GRM7: variants seen among roughly 807,000 people sequenced by gnomAD.
GRM7 encodes the protein metabotropic glutamate receptor 7.
Under a neutral mutation model 84.5 loss-of-function variants are expected in GRM7, and 35 were observed. The ratio of observed to expected loss-of-function variants is 0.41; its 90% CI spans 0.32 to 0.55. The LOEUF (loss-of-function observed/expected upper bound fraction) is 0.55. Among genes scored for constraint, GRM7 ranks in the 20% least tolerant of loss-of-function variants. GRM7 has a pLI of 0.19. For missense variants in GRM7, 1,003 were observed against 1,194.6 expected (o/e 0.84, Z 2.36); for synonymous variants, 487 against 455.1 (o/e 1.07, Z -0.89).
intron 8 of GRM7, among the ~76,000 whole-genome samples, chr3:7,632,591 T>C (rs560386439): frequency 1.0e-3 from 155 of 152,370 alleles, no homozygotes; most frequent in South Asian, 2.3e-3. Flanking sequence ...CAAAATAGAA[T>C]GTATTACATG....
chr3:6,971,738 T>C (rs1693766331), intron 1 of GRM7, among the ~76,000 whole-genome samples: 1 of 152,192 alleles, frequency 6.6e-6, no homozygotes, highest in African/African-American at 2.4e-5. Flanking sequence ...ATATTCACTG[T>C]TTTATTCACT....
chr3:7,060,280 G>A (rs2124968387), intron 1 of GRM7, among the ~76,000 whole-genome samples: 1 of 151,924 alleles, frequency 6.6e-6, no homozygotes. Flanking sequence ...CTGTGGTTTG[G>A]TATAAAGCTA....
intron 2 of GRM7, among the ~76,000 whole-genome samples, chr3:7,292,387 T>G (rs2125012516): frequency 6.6e-6 from 1 of 152,328 alleles, no homozygotes; most frequent in Admixed American, 6.5e-5. Flanking sequence ...TGAGGACAGA[T>G]AACTATCTTG....
intron 1 of GRM7, among the ~76,000 whole-genome samples, chr3:7,085,294 T>C (rs1288836044): frequency 6.6e-6 from 1 of 152,226 alleles, no homozygotes; most frequent in Non-Finnish European, 1.5e-5. Context: ...TTATATATCA[T>C]GTTATCTATT....
chr3:7,685,050 C>A (rs1346290406), intron 9 of GRM7, among the ~76,000 whole-genome samples: 1 of 152,166 alleles, frequency 6.6e-6, no homozygotes, highest in Admixed American at 6.5e-5. Flanking sequence ...CTACAGTTCA[C>A]TTGGCAGATG....
rs201041894 is a variant in GRM7 at position 7,566,120 on chromosome 3, T to G, written c.1516-12302T>G. Among the ~76,000 whole-genome samples the G allele has an allele frequency of 8.0e-3, 246 of 30,854 alleles. 3 individuals carry two copies. Among genetic ancestry groups the G allele is most frequent in the Middle Eastern group, 0.024 (1 of 42 alleles). The allele number at this position is 30,854 out of a possible 152,430, so 20.2% of individuals were successfully genotyped here. A position where few individuals can be genotyped will look rare whatever the true frequency, so the allele number is the denominator to read the frequency against. On this transcript the variant is annotated intron_variant, in intron 7 of 9. Transcript: ENST00000357716. ...AATCAGCTGTTTTTTTTTTTTTTTTTTTTTTTTTTTTTGTAAAAGATCAGA... is the reference window on the plus strand; with the variant it reads ...AATCAGCTGTTTTTTTTTTTTTTTTGTTTTTTTTTTTTGTAAAAGATCAGA...
chr3:7,474,102 A>G (rs1044481193), intron 7 of GRM7, among the ~76,000 whole-genome samples: 1 of 152,178 alleles, frequency 6.6e-6, no homozygotes, highest in Non-Finnish European at 1.5e-5. Flanking sequence ...ACTTATGGCC[A>G]TGATAAAAAG....
chr3:7,644,394 A>G (rs1190722470), intron 8 of GRM7, among the ~76,000 whole-genome samples: 7 of 152,122 alleles, frequency 4.6e-5, no homozygotes, highest in African/African-American at 1.7e-4. Flanking sequence ...ATTTGCAGAA[A>G]TAGTTAGTTT....
Position 7,682,999 on chromosome 3 carries a change from G to C in GRM7, c.2698+2704G>C, listed in dbSNP as rs529787132. On this transcript the variant is annotated intron_variant, in intron 9 of 9. Transcript: ENST00000357716. ...CACATGTGGTTAACAGCAGAGGTTG[G>C]ACTAAAGCCCAGGTCTGACTCTTCA... Among the ~76,000 whole-genome samples the C allele has an allele frequency of 1.1e-4, 17 of 152,272 alleles. No individual in the cohort carries two copies. The East Asian group carries it at 2.5e-3, about 22-fold the overall frequency.
intron 4 of GRM7, among the ~76,000 whole-genome samples, chr3:7,350,726 T>C (rs1249252627): frequency 3.3e-5 from 5 of 152,140 alleles, no homozygotes; most frequent in Non-Finnish European, 5.9e-5. Flanking sequence ...CTCCTTTTAG[T>C]GAAACTTGGT....
At chr3:7,676,648 G>A (rs149655547) in intron 8 of GRM7, among the ~76,000 whole-genome samples, 17,278 of 151,922 alleles carry the variant, frequency 0.11, 1,653 homozygotes, top group African/African-American at 0.26. Flanking sequence ...TGGCCAGGCT[G>A]GTCTTGAATG....
At chr3:7,652,074 G>A (rs982810100) in intron 8 of GRM7, among the ~76,000 whole-genome samples, 1 of 152,214 alleles carries the variant, frequency 6.6e-6, no homozygotes, top group African/African-American at 2.4e-5. Flanking sequence ...CCATTTACCT[G>A]AGCAAACCAT....
At chr3:6,901,980 CT>C (rs1448717591) in intron 1 of GRM7, among the ~76,000 whole-genome samples, 1 of 151,732 alleles carries the variant, frequency 6.6e-6, no homozygotes, top group African/African-American at 2.4e-5. Context: ...GTCTTAAGAA[CT>C]TTTTTTTATT....
At chr3:7,017,327 A>G (rs1361778387) in intron 1 of GRM7, among the ~76,000 whole-genome samples, 1 of 152,210 alleles carries the variant, frequency 6.6e-6, no homozygotes, top group African/African-American at 2.4e-5. Flanking sequence ...TAATTAGACT[A>G]ATAAGCAACT....
At chr3:7,502,613 T>G (rs1699918263) in intron 7 of GRM7, among the ~76,000 whole-genome samples, 1 of 152,142 alleles carries the variant, frequency 6.6e-6, no homozygotes, top group Non-Finnish European at 1.5e-5. Context: ...CACGCACAGA[T>G]GTATGATTGC....
At chr3:7,530,765 T>C (rs1345311702) in intron 7 of GRM7, among the ~76,000 whole-genome samples, 2 of 152,090 alleles carry the variant, frequency 1.3e-5, no homozygotes, top group Non-Finnish European at 2.9e-5. Flanking sequence ...TCTGTTCTTA[T>C]CTTTTGTCCA....
At chr3:7,052,720 G>GTTATTTTTT (rs1553611237) in intron 1 of GRM7, among the ~76,000 whole-genome samples, 1 of 101,562 alleles carries the variant, frequency 9.8e-6, no homozygotes, top group African/African-American at 4.5e-5. Context: ...AGTATCGGTA[G>GTTATTTTTT]TTTTTTTTTT....
intron 4 of GRM7, among the ~76,000 whole-genome samples, chr3:7,381,109 C>A (rs1186858881): frequency 1.3e-5 from 2 of 152,092 alleles, no homozygotes; most frequent in Non-Finnish European, 2.9e-5. Flanking sequence ...TACTACCTTT[C>A]TCAAGTACAT....
At chr3:7,017,636 T>C (rs1289469095) in intron 1 of GRM7, among the ~76,000 whole-genome samples, 2 of 152,180 alleles carry the variant, frequency 1.3e-5, no homozygotes, top group Non-Finnish European at 2.9e-5. Context: ...TGTACATTAT[T>C]ATCACCTGGG....
Sources: gnomAD v4.1 joint callset for allele counts (sites outside exome capture counted in the v4.1 genomes callset) on GRCh38, gnomAD v4.1.1 for gene constraint, MANE v1.5 for transcripts, NCBI Gene and HGNC (gene_info 2026-07-23, HGNC 2026-07-21) for gene names.